The following RAB3C variants were observed in gnomAD, a reference collection of about 807,000 sequenced individuals.
The protein encoded by RAB3C is ras-related protein Rab-3C.
In RAB3C, 17 loss-of-function variants were observed where a neutral mutation model predicts 26.4. That is an observed-to-expected ratio of 0.64 (90% CI 0.44 to 0.97). The LOEUF (loss-of-function observed/expected upper bound fraction) is 0.97, where lower values mean the gene tolerates loss of function less well. Ranked by LOEUF, RAB3C falls within the 50% of genes least tolerant of loss-of-function variation. RAB3C has a pLI of 0.00. For synonymous variants in RAB3C, 91 were observed against 95.9 expected, an observed-to-expected ratio of 0.95 and a Z score of 0.30; for missense variants, 242 against 281.9, an observed-to-expected ratio of 0.86 and a Z score of 1.01.
chr5:58,759,874 TA>T (rs1234433425), intron 3 of RAB3C, among the ~76,000 whole-genome samples: 2 of 152,212 alleles, frequency 1.3e-5, no homozygotes, highest in Non-Finnish European at 2.9e-5. Context: ...TATAAGAGCA[TA>T]AACTACCTGA....
At chr5:58,813,633 T>TACAC (rs138105407) in intron 3 of RAB3C, among the ~76,000 whole-genome samples, 12 of 17,296 alleles carry the variant, frequency 6.9e-4, no homozygotes, top group African/African-American at 2.4e-3. Flanking sequence ...TATATATATA[T>TACAC]ACACACACAC....
At chr5:58,752,092 A>G (rs190175355) in intron 3 of RAB3C, among the ~76,000 whole-genome samples, 77 of 152,272 alleles carry the variant, frequency 5.1e-4, no homozygotes, top group African/African-American at 1.8e-3. Context: ...AACTTATACT[A>G]TGGCACATAA....
intron 3 of RAB3C, among the ~76,000 whole-genome samples, chr5:58,787,695 A>C (rs1209506895): frequency 2.0e-5 from 3 of 152,158 alleles, no homozygotes; most frequent in Non-Finnish European, 4.4e-5. Flanking sequence ...AAGCACAGTA[A>C]AAGTAACACT....
chr5:58,598,858 A>G (rs1041252738), intron 1 of RAB3C, among the ~76,000 whole-genome samples: 2 of 152,154 alleles, frequency 1.3e-5, no homozygotes, highest in Non-Finnish European at 2.9e-5. Context: ...AATAAGAGAA[A>G]GCATATTCTG....
intron 2 of RAB3C, among the ~76,000 whole-genome samples, chr5:58,626,025 G>GA (rs1360941659): frequency 2.0e-5 from 3 of 151,888 alleles, no homozygotes; most frequent in African/African-American, 7.3e-5. Flanking sequence ...TATCATAAGG[G>GA]AAAAAAAGAA....
chr5:58,663,139 A>G (rs970644870), intron 2 of RAB3C, among the ~76,000 whole-genome samples: 4 of 150,308 alleles, frequency 2.7e-5, no homozygotes, highest in African/African-American at 1.0e-4. Flanking sequence ...GTTATGTCTA[A>G]ATATACAAAG....
chr5:58,730,897 C>T (rs1267260951), intron 3 of RAB3C, among the ~76,000 whole-genome samples: 1 of 152,096 alleles, frequency 6.6e-6, no homozygotes, highest in Non-Finnish European at 1.5e-5. Context: ...CCAGGGAGGC[C>T]TCACAGTCAT....
At chr5:58,742,846 G>A (rs1441728954) in intron 3 of RAB3C, among the ~76,000 whole-genome samples, 1 of 151,978 alleles carries the variant, frequency 6.6e-6, no homozygotes, top group Non-Finnish European at 1.5e-5. Context: ...CTTCTTGTAG[G>A]AAAAATTTCC....
rs536218618 is a variant in RAB3C, at chr5:58,780,686, C to T, written c.372-44352C>T. On this transcript the variant is annotated intron_variant, in intron 3 of 4. Transcript: ENST00000282878. ...AGACTGTGGCTGTGTGATGCTGCCA[C>T]TCTGTCTCCCTAGACAGGGTGAGCC... Among the ~76,000 whole-genome samples the T allele has an allele frequency of 8.1e-4, 124 of 152,184 alleles. 2 individuals carry two copies. In the South Asian group the frequency reaches 0.024, roughly 30 times the overall value.
intron 1 of RAB3C, among the ~76,000 whole-genome samples, chr5:58,599,451 G>T (rs1746402089): frequency 6.6e-6 from 1 of 152,046 alleles, no homozygotes; most frequent in Non-Finnish European, 1.5e-5. Context: ...GGGTCTAGGG[G>T]CTCTCCTAGC....
intron 2 of RAB3C, among the ~76,000 whole-genome samples, chr5:58,620,002 A>G (rs900807828): frequency 1.3e-5 from 2 of 151,950 alleles, no homozygotes; most frequent in African/African-American, 2.4e-5. Context: ...CTCAGTTTCC[A>G]TAAGTTCATG....
Position 58,726,044 on chromosome 5 carries a change from T to C in RAB3C, c.295T>C (p.Tyr99His). Reference sequence around the variant, plus strand: ...AAGATACAGGACTATCACCACAGCCTATTATCGTGGAGCCATGGGCTTTAT... The same window carrying C: ...AAGATACAGGACTATCACCACAGCCCATTATCGTGGAGCCATGGGCTTTAT... ...QERYRTITTA[Y>H]YRGAMGFILM... is the part of the protein sequence containing the mutation. The change falls in exon 3 of 5, where the codon TAT becomes CAT. Residue 99 changes from tyrosine to histidine, a missense_variant. Coordinates refer to ENST00000282878, the MANE Select transcript of RAB3C (RefSeq NM_138453.4). 2 of 1,607,484 alleles carry C rather than the reference T, an allele frequency of 1.2e-6. No individual in the cohort carries two copies. The highest frequency in any genetic ancestry group is 2.2e-5 in the East Asian group (1 of 44,624).
At chr5:58,599,206 C>T (rs1746396094) in intron 1 of RAB3C, among the ~76,000 whole-genome samples, 1 of 152,148 alleles carries the variant, frequency 6.6e-6, no homozygotes. Context: ...AGAGATGCAT[C>T]TGCATGCACG....
intron 1 of RAB3C, among the ~76,000 whole-genome samples, chr5:58,609,028 T>G (rs1417299188): frequency 6.6e-6 from 1 of 151,906 alleles, no homozygotes; most frequent in Admixed American, 6.6e-5. Flanking sequence ...CATCACACAC[T>G]GGGACATGTT....
intron 4 of RAB3C, among the ~76,000 whole-genome samples, chr5:58,831,270 G>A (rs371037091): frequency 2.1e-4 from 32 of 152,036 alleles, no homozygotes; most frequent in African/African-American, 6.3e-4. Flanking sequence ...TTTAAACTCC[G>A]ACCTTGGACC....
intron 2 of RAB3C, among the ~76,000 whole-genome samples, chr5:58,719,813 C>A (rs182979054): frequency 1.3e-5 from 2 of 151,838 alleles, no homozygotes; most frequent in South Asian, 2.1e-4. Flanking sequence ...AGTGACCTAC[C>A]TACTGGGTAC....
At position 58,858,839 on chromosome 5, in the gene RAB3C, C is replaced by G. The variant is rs1215551015; in HGVS notation, c.*7488C>G. 6 of 152,156 alleles carry G rather than the reference C, an allele frequency of 3.9e-5. No individual in the cohort carries two copies. Among genetic ancestry groups the G allele is most frequent in the African/African-American group, 1.4e-4 (6 of 41,442 alleles). 9.4% of individuals were successfully genotyped at this position (152,156 alleles called of 1,614,324 possible). On this transcript the variant is annotated 3_prime_UTR_variant, in exon 5 of 5. Transcript: ENST00000282878. The stretch of plus-strand genomic sequence containing the variant: ...TCATATTCCTCTGTGCTGAGCAGCT[C>G]AAGACTCAGCCACAATATGCAAATT...
At chr5:58,667,236 T>C (rs1748020930) in intron 2 of RAB3C, among the ~76,000 whole-genome samples, 1 of 152,210 alleles carries the variant, frequency 6.6e-6, no homozygotes, top group African/African-American at 2.4e-5. Flanking sequence ...CTCAGCCTCC[T>C]TTAAAGCTGC....
intron 2 of RAB3C, among the ~76,000 whole-genome samples, chr5:58,682,975 G>A (rs1748377889): frequency 6.6e-6 from 1 of 152,178 alleles, no homozygotes; most frequent in Non-Finnish European, 1.5e-5. Context: ...CATTAAACAT[G>A]CAACAAACGA....
Sources: gnomAD v4.1 joint callset for allele counts (sites outside exome capture counted in the v4.1 genomes callset) on GRCh38, gnomAD v4.1.1 for gene constraint, MANE v1.5 for transcripts, NCBI Gene and HGNC (gene_info 2026-07-23, HGNC 2026-07-21) for gene names.